CTNND2: variants seen among roughly 807,000 people sequenced by gnomAD.
CTNND2 encodes the protein catenin delta 2, also known as catenin delta-2.
In CTNND2, 22 loss-of-function variants were observed where a neutral mutation model predicts 144.4. The ratio of observed to expected loss-of-function variants is 0.15; its 90% CI spans 0.11 to 0.22. CTNND2 has a LOEUF of 0.22. Ranked by LOEUF, CTNND2 falls within the 10% of genes least tolerant of loss-of-function variation. The pLI, the probability that CTNND2 is intolerant of heterozygous loss-of-function variation, is 1.00. For missense variants in CTNND2, 1,353 were observed against 1,618.8 expected (o/e 0.84, Z 2.82); for synonymous variants, 751 against 695.6 (o/e 1.08, Z -1.25).
chr5:11,433,909 C>T (rs1048955390), intron 3 of CTNND2, among the ~76,000 whole-genome samples: 4 of 152,132 alleles, frequency 2.6e-5, no homozygotes, highest in Non-Finnish European at 4.4e-5. Context: ...GGGGAAAAGT[C>T]GGGGAGTTTC....
rs10077110 is a variant in CTNND2, at chr5:11,235,637, G to A, written c.1761+1054C>T. Among the ~76,000 whole-genome samples, 296 of 152,218 alleles carry A rather than the reference G, an allele frequency of 1.9e-3. 3 individuals carry two copies. The highest frequency in any genetic ancestry group is 6.5e-3 in the African/African-American group (269 of 41,524). ...GATACCCACAGCCTCCTCCAGCTGT[G>A]ACAACCAAAGATGTCTCCAGATATC... On this transcript the variant is annotated intron_variant, in intron 10 of 21. Coordinates refer to ENST00000304623, the MANE Select transcript of CTNND2 (RefSeq NM_001332.4).
chr5:11,377,423 CGGGAAATAG>C (rs1758049596), intron 7 of CTNND2, among the ~76,000 whole-genome samples: 1 of 151,852 alleles, frequency 6.6e-6, no homozygotes, highest in African/African-American at 2.4e-5. Context: ...TTGAGGTGTC[CGGGAAATAG>C]GGGAAACAAA....
intron 5 of CTNND2, 58 bp from the exon 6 acceptor site, chr5:11,397,261 T>G: frequency 1.4e-6 from 2 of 1,480,460 alleles, no homozygotes; most frequent in Non-Finnish European, 1.9e-6. Flanking sequence ...AGAAATGACA[T>G]GTATTATTTA....
At chr5:11,700,041 G>A (rs985601569) in intron 2 of CTNND2, among the ~76,000 whole-genome samples, 9 of 152,096 alleles carry the variant, frequency 5.9e-5, no homozygotes, top group African/African-American at 1.9e-4. Context: ...CTGTGGGTAG[G>A]TAGTTGTGTT....
chr5:11,071,193 G>A lies in CTNND2; in HGVS notation c.2788+11503C>T, dbSNP rs111756817. On this transcript the variant is annotated intron_variant, in intron 16 of 21. Transcript: ENST00000304623. ...AGTTTGGAAGAGAGACATATCTACT[G>A]CACTAAGAAGCACAAAGGCTCTTGG... Among the ~76,000 whole-genome samples the A allele has an allele frequency of 1.4e-3, 218 of 152,286 alleles. 3 individuals carry two copies. The highest frequency in any genetic ancestry group is 5.1e-3 in the African/African-American group (212 of 41,552).
chr5:11,863,978 C>T (rs1186514829), intron 1 of CTNND2, among the ~76,000 whole-genome samples: 3 of 152,174 alleles, frequency 2.0e-5, no homozygotes, highest in South Asian at 2.1e-4. Context: ...CAGAACTCCA[C>T]GTTCTTTTAG....
intron 10 of CTNND2, among the ~76,000 whole-genome samples, chr5:11,227,139 C>G (rs1740442499): frequency 6.6e-6 from 1 of 152,184 alleles, no homozygotes. Context: ...AGTATTCTGT[C>G]TATAAAACTA....
chr5:11,542,229 G>A (rs930440571), intron 3 of CTNND2, among the ~76,000 whole-genome samples: 11 of 152,072 alleles, frequency 7.2e-5, no homozygotes, highest in African/African-American at 1.2e-4. Flanking sequence ...GGGACCCACC[G>A]CCTGTTAGGA....
At chr5:11,698,219 C>T (rs1304303719) in intron 2 of CTNND2, among the ~76,000 whole-genome samples, 6 of 152,086 alleles carry the variant, frequency 3.9e-5, no homozygotes, top group Non-Finnish European at 8.8e-5. Context: ...CCCAACCAAG[C>T]CCTCCATGAA....
At chr5:11,226,325 C>A (rs1740350250) in intron 10 of CTNND2, among the ~76,000 whole-genome samples, 1 of 152,228 alleles carries the variant, frequency 6.6e-6, no homozygotes, top group Admixed American at 6.5e-5. Flanking sequence ...AGCTGCCTCT[C>A]TTCACCCACT....
Position 11,704,679 on chromosome 5 carries a change from C to G in CTNND2, c.174+27457G>C, listed in dbSNP as rs1382841944. ...ATAAGAGAAATGTACTTAAGCCCAC[C>G]TCTAAATGAATTTGTCTTCAGCTTG... On this transcript the variant is annotated intron_variant, in intron 2 of 21. Coordinates refer to ENST00000304623, the MANE Select transcript of CTNND2 (RefSeq NM_001332.4). 2.0e-5 allele frequency among the ~76,000 whole-genome samples: 3 copies of G among 151,830 alleles called. No individual in the cohort carries two copies. The East Asian group carries it at 5.9e-4, about 30-fold the overall frequency.
chr5:11,864,783 G>A (rs970890774), intron 1 of CTNND2, among the ~76,000 whole-genome samples: 5 of 151,908 alleles, frequency 3.3e-5, no homozygotes. Context: ...TCAGTGCTCA[G>A]TGTCCCTCAG....
intron 11 of CTNND2, among the ~76,000 whole-genome samples, chr5:11,185,627 G>C (rs1414605977): frequency 6.6e-6 from 1 of 152,224 alleles, no homozygotes; most frequent in African/African-American, 2.4e-5. Context: ...GAGTTGCTAA[G>C]TGAAAAGAGT....
chr5:11,234,453 T>C (rs370837439), intron 10 of CTNND2, among the ~76,000 whole-genome samples: 30 of 152,112 alleles, frequency 2.0e-4, no homozygotes, highest in African/African-American at 7.0e-4. Context: ...CCCAGGATAA[T>C]CAGGTAGTTC....
chr5:11,801,253 C>G (rs1162382116), intron 1 of CTNND2, among the ~76,000 whole-genome samples: 2 of 152,082 alleles, frequency 1.3e-5, no homozygotes, highest in Non-Finnish European at 2.9e-5. Flanking sequence ...ATTTTCTGAG[C>G]CAACACAGAA....
chr5:11,678,865 G>A lies in CTNND2; in HGVS notation c.174+53271C>T, dbSNP rs558414717. Among the ~76,000 whole-genome samples the A allele has an allele frequency of 3.3e-5, 5 of 152,028 alleles. No individual in the cohort carries two copies. In the South Asian group the frequency reaches 1.0e-3, roughly 32 times the overall value. On this transcript the variant is annotated intron_variant, in intron 2 of 21. Coordinates refer to ENST00000304623, the MANE Select transcript of CTNND2 (RefSeq NM_001332.4). The stretch of plus-strand genomic sequence containing the variant: ...TGGCTCATTGGCTCCAGGAACAAAG[G>A]ACAGGTGTGTGTATGATCTTTTGCC...
intron 19 of CTNND2, among the ~76,000 whole-genome samples, chr5:10,992,278 GAC>G (rs1482083457): frequency 6.6e-6 from 1 of 152,198 alleles, no homozygotes; most frequent in Non-Finnish European, 1.5e-5. Context: ...GCAGACACAT[GAC>G]AGTTTTCTTT....
At chr5:11,321,512 A>C (rs1752029627) in intron 9 of CTNND2, among the ~76,000 whole-genome samples, 1 of 152,214 alleles carries the variant, frequency 6.6e-6, no homozygotes, top group African/African-American at 2.4e-5. Context: ...TTGCTATTTA[A>C]GAAAGCCCTG....
chr5:11,217,023 A>C (rs1739272192), intron 10 of CTNND2, among the ~76,000 whole-genome samples: 1 of 152,192 alleles, frequency 6.6e-6, no homozygotes, highest in Non-Finnish European at 1.5e-5. Context: ...TGCTGTGCAC[A>C]CATTGCACTT....
Sources: gnomAD v4.1 joint callset for allele counts (sites outside exome capture counted in the v4.1 genomes callset) on GRCh38, gnomAD v4.1.1 for gene constraint, MANE v1.5 for transcripts, NCBI Gene and HGNC (gene_info 2026-07-23, HGNC 2026-07-21) for gene names.